RNF150: variants seen among roughly 807,000 people sequenced by gnomAD.
The protein encoded by RNF150 is ring finger protein 150.
RNF150 carries 24 observed loss-of-function variants against 39.3 expected under a neutral mutation model. That is an observed-to-expected ratio of 0.61 (90% CI 0.44 to 0.86). The LOEUF (loss-of-function observed/expected upper bound fraction) is 0.86. Among genes scored for constraint, RNF150 ranks in the 40% least tolerant of loss-of-function variants. The pLI is 0.00. For synonymous variants in RNF150, 255 were observed against 227.3 expected, an observed-to-expected ratio of 1.12 and a Z score of -1.10; for missense variants, 502 against 587.8, an observed-to-expected ratio of 0.85 and a Z score of 1.51.
At chr4:141,084,943 T>C (rs896023362) in intron 1 of RNF150, among the ~76,000 whole-genome samples, 2 of 152,162 alleles carry the variant, frequency 1.3e-5, no homozygotes, top group Admixed American at 6.5e-5. Flanking sequence ...CAATATAATA[T>C]GGCAAAGTGA....
chr4:140,868,810 G>T (rs1336269306), intron 6 of RNF150, among the ~76,000 whole-genome samples: 1 of 152,068 alleles, frequency 6.6e-6, no homozygotes, highest in African/African-American at 2.4e-5. Context: ...CATATAGAAA[G>T]CTTTTAAATC....
intron 6 of RNF150, among the ~76,000 whole-genome samples, chr4:140,875,015 A>G (rs1012719229): frequency 1.3e-5 from 2 of 152,168 alleles, no homozygotes; most frequent in Non-Finnish European, 2.9e-5. Context: ...TATGACATGG[A>G]AAGTATTACT....
chr4:141,136,916 A>C (rs1727036792), upstream of RNF150, among the ~76,000 whole-genome samples: 1 of 152,208 alleles, frequency 6.6e-6, no homozygotes, highest in Non-Finnish European at 1.5e-5. Context: ...TTTGAACAGA[A>C]TATTGAAAGA....
Position 141,156,492 on chromosome 4 carries a change from G to T in RNF150, c.-6+56302C>A, listed in dbSNP as rs370655692. ...AGACGAGGTCTTTCTATGTGTCCAG[G>T]CTGGTCTTGAATGACCGAGCTTAGG... On this transcript the variant is annotated intron_variant, in intron 1 of 7. Coordinates refer to the RNF150 transcript ENST00000420921. Among the ~76,000 whole-genome samples, 29 of 152,052 alleles carry T rather than the reference G, an allele frequency of 1.9e-4. No homozygotes were observed. In the East Asian group the frequency reaches 5.5e-3, roughly 29 times the overall value.
intron 1 of RNF150, among the ~76,000 whole-genome samples, chr4:141,203,478 C>G (rs969954487): frequency 2.6e-5 from 4 of 151,674 alleles, no homozygotes; most frequent in African/African-American, 9.7e-5. Context: ...TTTGATCATT[C>G]TGTGTGACTG....
chr4:141,005,295 G>GA (rs1734822485), intron 1 of RNF150, among the ~76,000 whole-genome samples: 1 of 152,208 alleles, frequency 6.6e-6, no homozygotes, highest in Non-Finnish European at 1.5e-5. Flanking sequence ...CAGGAGGGGA[G>GA]ATGTAAATTT....
chr4:141,186,931 TTTAG>T (rs145152013), intron 1 of RNF150, among the ~76,000 whole-genome samples: 4,484 of 152,220 alleles, frequency 0.029, 200 homozygotes, highest in African/African-American at 0.097. Flanking sequence ...CTCTAGTTCT[TTTAG>T]TTGTGATGTT....
chr4:140,971,300 T>G (rs11932554), intron 1 of RNF150, among the ~76,000 whole-genome samples: 22,805 of 151,906 alleles, frequency 0.15, 1,888 homozygotes, highest in Middle Eastern at 0.24. Context: ...GGGGGAGTGG[T>G]GCAAGCCCAG....
chr4:141,175,465 C>G (rs1478901514), intron 1 of RNF150, among the ~76,000 whole-genome samples: 2 of 152,148 alleles, frequency 1.3e-5, no homozygotes, highest in South Asian at 4.1e-4. Context: ...GAAACTGAAG[C>G]AGGGTGATAG....
rs540673245 is a variant in RNF150 at position 141,163,465 on chromosome 4, CT to C, written c.-6+49328del. Among the ~76,000 whole-genome samples the C allele has an allele frequency of 1.2e-3, 181 of 152,378 alleles. 1 individual carries two copies. The highest frequency in any genetic ancestry group is 4.1e-3 in the African/African-American group (172 of 41,592). Reference sequence around the variant, plus strand: ...CACTCAAGCTCTGCTAAGGGACAGACTGCCTCCTTAACTGGGTCTCTGGGCC... The same window carrying C: ...CACTCAAGCTCTGCTAAGGGACAGACGCCTCCTTAACTGGGTCTCTGGGCC... On this transcript the variant is annotated intron_variant, in intron 1 of 7. Transcript: ENST00000420921.
At chr4:140,980,239 C>T (rs966796182) in intron 1 of RNF150, among the ~76,000 whole-genome samples, 4 of 151,872 alleles carry the variant, frequency 2.6e-5, no homozygotes, top group African/African-American at 7.3e-5. Context: ...GATGGGGTTT[C>T]ACTATGTTGG....
At chr4:141,179,890 C>T (rs536932212) in intron 1 of RNF150, among the ~76,000 whole-genome samples, 2 of 152,160 alleles carry the variant, frequency 1.3e-5, no homozygotes, top group Non-Finnish European at 2.9e-5. Context: ...CAGATGCATA[C>T]TTTAGCGTTC....
intron 1 of RNF150, among the ~76,000 whole-genome samples, chr4:141,118,552 G>A (rs1321685678): frequency 6.6e-6 from 1 of 151,964 alleles, no homozygotes; most frequent in Non-Finnish European, 1.5e-5. Context: ...AAAAACACTG[G>A]GCCCCAATCA....
In RNF150 at chr4:141,132,582, C is replaced by A. The variant is rs1189165298; in HGVS notation, c.227G>T (p.Arg76Leu). The A allele has an allele frequency of 1.9e-6, 3 of 1,575,244 alleles. No homozygotes were observed. The highest frequency in any genetic ancestry group is 3.7e-5 in the Admixed American group (2 of 54,610). The change falls in exon 1 of 7, where the codon CGC (arginine) becomes CTC (leucine). Residue 76 changes from arginine (R) to leucine (L), a missense_variant. Arg to Leu is a moderately radical substitution (Grantham distance 102). Transcript: ENST00000515673. This position sits in a 1 kb window ranked among gnomAD's most constrained non-coding sequence, Gnocchi z 4.9. The stretch of plus-strand genomic sequence containing the variant: ...CTGCTTGGGCGAGTGCTCTCCGTAG[C>A]GCCCGCACTCCGTCTTCTCCGTGTG... Reference protein sequence around the residue: ...ELHTEKTECGRYGEHSPKQDA... With the variant: ...ELHTEKTECGLYGEHSPKQDA...
rs181284596 is a variant in RNF150 at position 141,103,498 on chromosome 4, C to G, written c.484+28827G>C. 4.6e-5 allele frequency among the ~76,000 whole-genome samples: 7 copies of G among 152,290 alleles called. No homozygotes were observed. The South Asian group carries it at 1.2e-3, about 27-fold the overall frequency. Reference sequence around the variant, plus strand: ...GAGTTATACAGAGTCATAATGCTTGCTACTGTGGGTATTTTTATAGAACGG... The same window carrying G: ...GAGTTATACAGAGTCATAATGCTTGGTACTGTGGGTATTTTTATAGAACGG... On this transcript the variant is annotated intron_variant, in intron 1 of 6. Coordinates refer to ENST00000515673, the MANE Select transcript of RNF150 (RefSeq NM_020724.2).
chr4:141,046,308 C>T (rs1736574144), intron 1 of RNF150, among the ~76,000 whole-genome samples: 1 of 152,194 alleles, frequency 6.6e-6, no homozygotes, highest in South Asian at 2.1e-4. Context: ...TACTAACACT[C>T]CTCTTTAAAT....
At chr4:141,099,501 T>G (rs909351202) in intron 1 of RNF150, among the ~76,000 whole-genome samples, 2 of 152,130 alleles carry the variant, frequency 1.3e-5, no homozygotes, top group African/African-American at 4.8e-5. Flanking sequence ...AAAAAGAAAC[T>G]TCTGGTGACT....
intron 5 of RNF150, among the ~76,000 whole-genome samples, chr4:140,913,717 C>T (rs1453685218): frequency 6.6e-6 from 1 of 152,194 alleles, no homozygotes; most frequent in Non-Finnish European, 1.5e-5. Context: ...GAAGCAACCA[C>T]ACTATATTGA....
chr4:141,176,941 C>T (rs972644358), intron 1 of RNF150, among the ~76,000 whole-genome samples: 1 of 151,174 alleles, frequency 6.6e-6, no homozygotes, highest in East Asian at 1.9e-4. Context: ...TTTGGCTGGC[C>T]ATGGTGGTTC....
Sources: allele counts gnomAD v4.1 joint callset (sites outside exome capture counted in the v4.1 genomes callset), GRCh38; gene constraint gnomAD v4.1.1; non-coding constraint Gnocchi (gnomAD v3.1); transcripts MANE v1.5; gene names NCBI Gene and HGNC (gene_info 2026-07-23, HGNC 2026-07-21).